Variants in TRIM24 observed in about 807,000 individuals in gnomAD.
TRIM24 encodes the protein tripartite motif containing 24, also known as transcription intermediary factor 1-alpha.
TRIM24 carries 29 observed loss-of-function variants against 123.9 expected under a neutral mutation model. The observed-to-expected ratio is 0.23, with a 90% CI of 0.17 to 0.32. The LOEUF (loss-of-function observed/expected upper bound fraction) is 0.32. Ranked by LOEUF, TRIM24 falls within the 10% of genes least tolerant of loss-of-function variation. The pLI is 1.00. For synonymous variants in TRIM24, 456 were observed against 461.1 expected, an observed-to-expected ratio of 0.99 and a Z score of 0.14; for missense variants, 932 against 1,295.3, an observed-to-expected ratio of 0.72 and a Z score of 4.31.
At chr7:138,571,547 A>G (rs1012678220) in intron 11 of TRIM24, among the ~76,000 whole-genome samples, 1 of 152,170 alleles carries the variant, frequency 6.6e-6, no homozygotes, top group African/African-American at 2.4e-5. Context: ...AAGTAAGGAC[A>G]TGGAAAGATA....
intron 1 of TRIM24, among the ~76,000 whole-genome samples, chr7:138,464,173 T>A (rs568820296): frequency 5.3e-5 from 8 of 151,484 alleles, no homozygotes; most frequent in Non-Finnish European, 7.4e-5. Flanking sequence ...TTTTTTATAT[T>A]TTTTAGTAGA....
chr7:138,482,167 C>G (rs187657446), intron 1 of TRIM24, among the ~76,000 whole-genome samples: 1 of 152,206 alleles, frequency 6.6e-6, no homozygotes, highest in East Asian at 1.9e-4. Flanking sequence ...AATTTGGTCT[C>G]GTACTCCTGA....
At chr7:138,555,576 G>A (rs555457428) in intron 9 of TRIM24, among the ~76,000 whole-genome samples, 11 of 150,224 alleles carry the variant, frequency 7.3e-5, no homozygotes, top group East Asian at 5.9e-4. Context: ...TCTGCCTCCC[G>A]GGTTCAAGCG....
chr7:138,570,426 C>A (rs188783875), intron 10 of TRIM24, among the ~76,000 whole-genome samples: 1 of 152,232 alleles, frequency 6.6e-6, no homozygotes, highest in Admixed American at 6.5e-5. Flanking sequence ...AATATAAAAT[C>A]CTGAAAGTAC....
intron 1 of TRIM24, among the ~76,000 whole-genome samples, chr7:138,483,546 A>G (rs1481264351): frequency 2.0e-5 from 3 of 152,236 alleles, no homozygotes; most frequent in East Asian, 1.9e-4. Flanking sequence ...TTATAAGCAT[A>G]TAGATATTCC....
At chr7:138,525,182 T>C in intron 4 of TRIM24, 59 bp from the exon 5 acceptor site, 1 of 775,028 alleles carries the variant, frequency 1.3e-6, no homozygotes, top group Non-Finnish European at 2.0e-6. Context: ...TCTTTTTTTA[T>C]TCTTGGACTT....
intron 1 of TRIM24, chr7:138,491,096 C>T: frequency 3.7e-6 from 1 of 268,730 alleles, no homozygotes; most frequent in Non-Finnish European, 7.3e-6. Context: ...GCAATTTTTG[C>T]CCTGAACATC....
chr7:138,580,357 T>C (rs1441017334), intron 15 of TRIM24, among the ~76,000 whole-genome samples: 13 of 152,196 alleles, frequency 8.5e-5, no homozygotes, highest in African/African-American at 3.1e-4. Flanking sequence ...ATTTTGATGT[T>C]TGTTAGGCCC....
At chr7:138,556,006 C>CA (rs1797309651) in intron 9 of TRIM24, among the ~76,000 whole-genome samples, 1 of 152,092 alleles carries the variant, frequency 6.6e-6, no homozygotes, top group Non-Finnish European at 1.5e-5. Context: ...ATGAAGGTGG[C>CA]AAAAGACTTC....
At position 138,504,354 on chromosome 7, in the gene TRIM24, T is replaced by A; in HGVS notation, c.429T>A (p.Phe143Leu). The change falls in exon 2 of 19, where the codon TTT (phenylalanine) becomes TTA (leucine). Residue 143 changes from phenylalanine (F) to leucine (L), a missense_variant. Physicochemically the swap from Phe to Leu is conservative, Grantham distance 22. Around this residue, in one of 7 missense-constraint regions of TRIM24, gnomAD observed 74 missense variants for 163.6 expected, o/e 0.45. Coordinates refer to ENST00000343526, the MANE Select transcript of TRIM24 (RefSeq NM_015905.3). ...CAGAGAGACACATCATAGATAACTT[T>A]TTTGTGAAGGACACTACTGAGGTTC... Reference protein sequence around the residue: ...ECAERHIIDNFFVKDTTEVPS... With the variant: ...ECAERHIIDNLFVKDTTEVPS... 2 of 1,605,008 alleles carry A rather than the reference T, an allele frequency of 1.2e-6. No homozygotes were observed. Among genetic ancestry groups the A allele is most frequent in the Non-Finnish European group, 1.7e-6 (2 of 1,176,114 alleles).
At chr7:138,463,510 G>GA (rs1795059848) in intron 1 of TRIM24, among the ~76,000 whole-genome samples, 2 of 152,184 alleles carry the variant, frequency 1.3e-5, no homozygotes, top group Admixed American at 1.3e-4. Flanking sequence ...GGGATTACAG[G>GA]TGTGAGCCAC....
chr7:138,504,254 G>T, intron 1 of TRIM24, 36 bp from the exon 2 acceptor site: 4 of 1,415,474 alleles, frequency 2.8e-6, no homozygotes, highest in Non-Finnish European at 2.9e-6. Flanking sequence ...CAGTATATTT[G>T]TATTAAAACT....
intron 9 of TRIM24, among the ~76,000 whole-genome samples, chr7:138,566,319 C>T (rs1295618990): frequency 6.6e-6 from 1 of 152,000 alleles, no homozygotes. Flanking sequence ...AGTTCGAAAC[C>T]AGCCTGACCA....
At position 138,508,692 on chromosome 7, in the gene TRIM24, T is replaced by TGTGTGTGTGTGCGCGCGC. The variant is rs1422176564; in HGVS notation, c.483+4285_483+4286insTGTGTGTGTGCGCGCGCG. 6.6e-5 allele frequency among the ~76,000 whole-genome samples: 9 copies of TGTGTGTGTGTGCGCGCGC among 137,278 alleles called. No individual in the cohort carries two copies. The South Asian group carries it at 2.2e-3, about 33-fold the overall frequency. 90.1% of individuals were successfully genotyped at this position (137,278 alleles called of 152,430 possible). On this transcript the variant is annotated intron_variant, in intron 2 of 18. Transcript: ENST00000343526. ...GTGTGTGTGTGTGTGTGTGTGTGTGTGCGCGCGCGTGTGTGCGTGTGTGTG... is the reference window on the plus strand; with the variant it reads ...GTGTGTGTGTGTGTGTGTGTGTGTGTGTGTGTGTGTGCGCGCGCGCGCGCGCGTGTGTGCGTGTGTGTG...
At chr7:138,523,579 C>T (rs1018625081) in intron 4 of TRIM24, among the ~76,000 whole-genome samples, 1 of 151,956 alleles carries the variant, frequency 6.6e-6, no homozygotes, top group African/African-American at 2.4e-5. Context: ...CATGGTGAAA[C>T]CCCGTCTCTA....
intron 2 of TRIM24, among the ~76,000 whole-genome samples, chr7:138,512,371 G>C (rs1360766091): frequency 6.6e-6 from 1 of 152,162 alleles, no homozygotes; most frequent in Non-Finnish European, 1.5e-5. Flanking sequence ...CTCTGTGTGG[G>C]TGCTCCAGCC....
chr7:138,534,245 C>T (rs1313243844), intron 6 of TRIM24, among the ~76,000 whole-genome samples: 5 of 151,896 alleles, frequency 3.3e-5, no homozygotes, highest in Non-Finnish European at 7.4e-5. Context: ...TTATTTCTTG[C>T]CTTCTGCTAG....
chr7:138,560,334 C>A (rs1342954825), intron 9 of TRIM24, among the ~76,000 whole-genome samples: 1 of 152,214 alleles, frequency 6.6e-6, no homozygotes, highest in Admixed American at 6.5e-5. Context: ...CAGTCCAAAT[C>A]TGGTGATAAT....
chr7:138,563,672 A>G (rs1797473739), intron 9 of TRIM24, among the ~76,000 whole-genome samples: 1 of 152,154 alleles, frequency 6.6e-6, no homozygotes, highest in South Asian at 2.1e-4. Flanking sequence ...TGCCGTGTTC[A>G]CTGTGCACTG....
Sources: allele counts gnomAD v4.1 joint callset (sites outside exome capture counted in the v4.1 genomes callset), GRCh38; gene constraint gnomAD v4.1.1; regional missense constraint gnomAD v4.1.1; transcripts MANE v1.5; gene names NCBI Gene and HGNC (gene_info 2026-07-23, HGNC 2026-07-21).